Variants in LRRC37B observed in about 807,000 individuals in gnomAD.
LRRC37B encodes the protein leucine-rich repeat-containing protein 37B.
A neutral mutation model predicts 98.3 loss-of-function variants in LRRC37B; 28 were observed. That is an observed-to-expected ratio of 0.28 (90% confidence interval 0.21 to 0.39). The LOEUF is 0.39. Ranked by LOEUF, LRRC37B falls within the 10% of genes least tolerant of loss-of-function variation. The pLI is 1.00. For synonymous variants in LRRC37B, 364 were observed against 442.7 expected, an observed-to-expected ratio of 0.82 and a Z score of 2.23; for missense variants, 938 against 1,182.7, an observed-to-expected ratio of 0.79 and a Z score of 3.03.
intron 11 of LRRC37B, 21 bp from the exon 15 acceptor site, chr17:32,053,245 T>G: frequency 6.3e-7 from 1 of 1,580,582 alleles, no homozygotes; most frequent in South Asian, 1.1e-5. Flanking sequence ...ATAACCTTAA[T>G]TGTGTTTTCT....
chr17:32,012,972 G>T (rs146029582), intron 1 of LRRC37B, among the ~76,000 whole-genome samples: 1 of 152,170 alleles, frequency 6.6e-6, no homozygotes, highest in Non-Finnish European at 1.5e-5. Context: ...AGCCGAGATC[G>T]TGCCACTGCA....
intron 4 of LRRC37B, among the ~76,000 whole-genome samples, chr17:32,030,952 C>T (rs1183296743): frequency 6.6e-6 from 1 of 152,170 alleles, no homozygotes; most frequent in African/African-American, 2.4e-5. Flanking sequence ...TGATTTTGTA[C>T]TCAGGTGACA....
Position 32,049,402 on chromosome 17 carries a change from C to G in LRRC37B, c.2757+8C>G, listed in dbSNP as rs527300848. On this transcript the variant is annotated splice_region_variant and intron_variant, in intron 10 of 11. Coordinates refer to ENST00000327564, the Ensembl canonical transcript of LRRC37B. ...GAGCAGAAGTCAAGTGAGGTGAGGA[C>G]CACACAGAAACATGAGACCCAGATT... 5.4e-5 allele frequency: 86 copies of G among 1,604,660 alleles called. No individual in the cohort carries two copies. Among genetic ancestry groups the G allele is most frequent in the South Asian group, 5.3e-4 (48 of 90,154 alleles).
exon 1 of LRRC37B, chr17:32,021,741 C>T (rs1272057715): frequency 4.3e-6 from 7 of 1,614,102 alleles, no homozygotes; most frequent in South Asian, 3.3e-5. Flanking sequence ...TCTAGCTGAA[C>T]GTTGGAGCCT....
chr17:32,036,940 G>A (rs557428464), intron 7 of LRRC37B, among the ~76,000 whole-genome samples: 4 of 137,322 alleles, frequency 2.9e-5, no homozygotes, highest in South Asian at 2.3e-4. Context: ...TTCCACCAGC[G>A]TTGTATGAGA....
In LRRC37B at chr17:32,014,849, A is replaced by G. The variant is rs1347602498; in HGVS notation, c.-190-3123A>G. Among the ~76,000 whole-genome samples the G allele has an allele frequency of 2.0e-5, 3 of 152,204 alleles. No homozygotes were observed. The South Asian group carries it at 6.2e-4, about 32-fold the overall frequency. On this transcript the variant is annotated intron_variant, in intron 1 of 14. Transcript: ENST00000543378. ...CAATGTCTGGCAAATAGCACTCTAT[A>G]GGCCAGGCATGGTGGCTCACACCTG...
chr17:32,053,172 A>G, intron 11 of LRRC37B, 94 bp from the exon 15 acceptor site: 2 of 823,920 alleles, frequency 2.4e-6, no homozygotes, highest in South Asian at 3.0e-5. Context: ...CTCATCGGGT[A>G]GATGAGACTT....
rs1266861510 is a variant in LRRC37B at position 32,025,930 on chromosome 17, A to G, written c.1832+1148A>G. Among the ~76,000 whole-genome samples the G allele has an allele frequency of 2.0e-5, 3 of 152,358 alleles. 1 individual carries two copies. The highest frequency in any genetic ancestry group is 7.2e-5 in the African/African-American group (3 of 41,582). ...AGCTTTTTGTTGAAGTTATGGATGA[A>G]TAAAAGGGATTCCATCCAAATTTGA... On this transcript the variant is annotated intron_variant, in intron 2 of 11. Transcript: ENST00000327564.
At chr17:32,020,439 C>A (rs1230003732), upstream of LRRC37B, among the ~76,000 whole-genome samples, 7 of 152,042 alleles carry the variant, frequency 4.6e-5, no homozygotes. Flanking sequence ...GGCAGGATGA[C>A]AGTTCAGCCT....
At chr17:32,025,390 C>T (rs1490705450) in intron 2 of LRRC37B, among the ~76,000 whole-genome samples, 1 of 151,920 alleles carries the variant, frequency 6.6e-6, no homozygotes, top group Non-Finnish European at 1.5e-5. Flanking sequence ...CAAAAACCCT[C>T]CTTGTGCCCT....
chr17:32,019,294 C>T (rs1910712455), upstream of LRRC37B, among the ~76,000 whole-genome samples: 1 of 152,160 alleles, frequency 6.6e-6, no homozygotes, highest in Non-Finnish European at 1.5e-5. Context: ...AAATACCTGC[C>T]ATTGTGTTAC....
In LRRC37B at chr17:32,022,014, C is replaced by T; in HGVS notation, c.949C>T (p.Gln317Ter). The T allele has an allele frequency of 6.2e-7, 1 of 1,614,016 alleles. No individual in the cohort carries two copies. Among genetic ancestry groups the T allele is most frequent in the Non-Finnish European group, 8.5e-7 (1 of 1,179,922 alleles). Reference sequence around the variant, plus strand: ...GGAAGAAGCCCCAGCGCAGCTTCTACAGCTCCCTCAGGAGGTAGAACCTTC... The same window carrying T: ...GGAAGAAGCCCCAGCGCAGCTTCTATAGCTCCCTCAGGAGGTAGAACCTTC... The change falls in exon 1 of 12, where the codon CAG becomes TAG. Residue 317 changes from glutamine (Q) to a stop codon, truncating the protein, a stop_gained. Transcript: ENST00000327564. LOFTEE classifies it high-confidence loss of function.
upstream of LRRC37B, among the ~76,000 whole-genome samples, chr17:32,007,443 C>A (rs1430546229): frequency 2.0e-5 from 3 of 152,138 alleles, no homozygotes; most frequent in Admixed American, 1.3e-4. The surrounding 1 kb of genome is among the most constrained non-coding windows in gnomAD (Gnocchi z 4.1). Flanking sequence ...TGAGTGGGGC[C>A]CCAGCAATTC....
intron 8 of LRRC37B, among the ~76,000 whole-genome samples, chr17:32,046,599 C>T (rs145295171): frequency 2.8e-3 from 371 of 132,730 alleles, no homozygotes; most frequent in Middle Eastern, 0.016. Flanking sequence ...TTCTTTTTTT[C>T]TTTTTTTTTT....
intron 1 of LRRC37B, among the ~76,000 whole-genome samples, chr17:32,013,357 G>A (rs1407284265): frequency 1.3e-5 from 2 of 152,000 alleles, no homozygotes; most frequent in African/African-American, 4.8e-5. Flanking sequence ...TCTTTTAAAT[G>A]TAATCTGACA....
At chr17:32,013,258 G>A (rs1598200525) in intron 1 of LRRC37B, among the ~76,000 whole-genome samples, 3 of 152,262 alleles carry the variant, frequency 2.0e-5, no homozygotes, top group East Asian at 3.9e-4. Context: ...GCCCACCTCA[G>A]CCTCCCAAAA....
chr17:32,039,603 A>T lies in LRRC37B; in HGVS notation c.2204+3964A>T, dbSNP rs1291962409. ...TATATTTTATATATTTATATATATT[A>T]TATATATATATATATTTCTGCAAGG... On this transcript the variant is annotated intron_variant, in intron 7 of 11. Transcript: ENST00000327564. 1.4e-3 allele frequency among the ~76,000 whole-genome samples: 179 copies of T among 129,676 alleles called. 1 individual carries two copies. The highest frequency in any genetic ancestry group is 2.0e-3 in the African/African-American group (71 of 34,780). The allele number at this position is 129,676 out of a possible 152,430, so 85.1% of individuals were successfully genotyped here. A position where few individuals can be genotyped will look rare whatever the true frequency, so the allele number is the denominator to read the frequency against.
intron 1 of LRRC37B, among the ~76,000 whole-genome samples, chr17:32,011,645 C>T (rs1199715878): frequency 6.6e-6 from 1 of 151,962 alleles, no homozygotes. Flanking sequence ...TTACAGGCAC[C>T]CACCACCACG....
chr17:32,014,350 A>G (rs750112218), intron 1 of LRRC37B, among the ~76,000 whole-genome samples: 10 of 152,228 alleles, frequency 6.6e-5, no homozygotes, highest in Non-Finnish European at 1.3e-4. Context: ...TAACTGCAGA[A>G]CATCTTTAAA....
Sources: gnomAD v4.1 joint callset for allele counts (sites outside exome capture counted in the v4.1 genomes callset) on GRCh38, gnomAD v4.1.1 for gene constraint, Gnocchi (gnomAD v3.1) non-coding constraint, MANE v1.5 for transcripts, NCBI Gene and HGNC (gene_info 2026-07-23, HGNC 2026-07-21) for gene names.